DCLRE1C: variants seen among roughly 807,000 people sequenced by gnomAD.
DCLRE1C encodes DNA cross-link repair 1C.
In DCLRE1C, 47 loss-of-function variants were observed where a neutral mutation model predicts 61.4. That is an observed-to-expected ratio of 0.77 (90% confidence interval 0.61 to 0.98). The LOEUF is 0.98. Ranked by LOEUF, DCLRE1C falls within the 50% of genes least tolerant of loss-of-function variation. DCLRE1C has a pLI of 0.00. For missense variants in DCLRE1C, 858 were observed against 816.0 expected, an observed-to-expected ratio of 1.05 and a Z score of -0.63; for synonymous variants, 337 against 287.6, an observed-to-expected ratio of 1.17 and a Z score of -1.74.
downstream of DCLRE1C, among the ~76,000 whole-genome samples, chr10:14,899,894 G>T (rs140753754): frequency 0.011 from 1,612 of 152,218 alleles, 32 homozygotes; most frequent in African/African-American, 0.037. Flanking sequence ...TATTAATAGG[G>T]TGTATTTTAC....
chr10:14,904,497 A>C (rs1030351966), downstream of DCLRE1C, among the ~76,000 whole-genome samples: 6 of 152,116 alleles, frequency 3.9e-5, no homozygotes, highest in African/African-American at 1.4e-4. Context: ...TAAAGATGTG[A>C]TTTTTAAAAA....
At chr10:14,925,355 A>G (rs1020856909) in intron 11 of DCLRE1C, among the ~76,000 whole-genome samples, 9 of 152,138 alleles carry the variant, frequency 5.9e-5, no homozygotes, top group African/African-American at 2.2e-4. Context: ...TCTCATTTAT[A>G]TAAGTTGACT....
At chr10:14,941,502 G>C (rs1031784359) in intron 3 of DCLRE1C, among the ~76,000 whole-genome samples, 34 of 152,246 alleles carry the variant, frequency 2.2e-4, no homozygotes, top group East Asian at 1.5e-3. Context: ...GCCCAGGCCG[G>C]TTTCGAACTC....
At chr10:14,943,699 C>T (rs542892364) in intron 3 of DCLRE1C, among the ~76,000 whole-genome samples, 15 of 152,254 alleles carry the variant, frequency 9.9e-5, no homozygotes, top group Non-Finnish European at 2.2e-4. Flanking sequence ...ACTACAGGCA[C>T]CGCCACCACA....
intron 9 of DCLRE1C, among the ~76,000 whole-genome samples, chr10:14,931,864 C>T (rs1212723526): frequency 1.3e-5 from 2 of 152,012 alleles, no homozygotes; most frequent in Non-Finnish European, 2.9e-5. Flanking sequence ...CATGGCGAAA[C>T]CCCATCTCTA....
chr10:14,933,492 C>G (rs576646788), intron 8 of DCLRE1C, among the ~76,000 whole-genome samples: 1 of 152,156 alleles, frequency 6.6e-6, no homozygotes, highest in Admixed American at 6.6e-5. Flanking sequence ...CAAAAATTAG[C>G]CAGGTATGGT....
At position 14,934,489 on chromosome 10, in the gene DCLRE1C, A is replaced by C. The variant is rs777527693; in HGVS notation, c.569T>G (p.Val190Gly). The change falls in exon 8 of 14, where the codon GTC becomes GGC. Residue 190 changes from valine to glycine, a missense_variant. This residue lies in a region of DCLRE1C where 843 missense variants were observed against 783.5 expected (regional missense o/e 1.08). Coordinates refer to ENST00000378278, the MANE Select transcript of DCLRE1C (RefSeq NM_001033855.3). ...CGGGCTCCGAGTGATCCAGCTTCGG[A>C]CCAGCTCTAAGACTCCACTTAAACA... ...EECLSGVLEL[V>G]RSWITRSPYH... 1 of 1,614,200 alleles carries C rather than the reference A, an allele frequency of 6.2e-7. No homozygotes were observed. The highest frequency in any genetic ancestry group is 8.5e-7 in the Non-Finnish European group (1 of 1,180,044).
chr10:14,899,735 A>T (rs1175189312), downstream of DCLRE1C: 2 of 1,587,666 alleles, frequency 1.3e-6, no homozygotes, highest in Admixed American at 3.6e-5. Flanking sequence ...TCAACCTAGT[A>T]CTAGTTTCCA....
exon 14 of DCLRE1C, chr10:14,899,053 C>G: frequency 1.7e-6 from 1 of 582,764 alleles, no homozygotes. Context: ...ATAAATCAAC[C>G]AGTTACAGTT....
intron 1 of DCLRE1C, among the ~76,000 whole-genome samples, chr10:14,950,357 C>CAAAAAAAAAAAAAAAAAAA (rs1196056427): frequency 2.8e-5 from 2 of 71,274 alleles, no homozygotes; most frequent in Non-Finnish European, 6.2e-5. Context: ...AAATAATAAC[C>CAAAAAAAAAAAAAAAAAAA]AAAAAAAAAA....
intron 3 of DCLRE1C, among the ~76,000 whole-genome samples, chr10:14,940,263 C>T (rs1469005269): frequency 2.0e-5 from 3 of 150,986 alleles, no homozygotes; most frequent in Non-Finnish European, 4.4e-5. Flanking sequence ...GGGTCTGTGA[C>T]ATGGATGCTT....
At chr10:14,922,898 A>C in intron 12 of DCLRE1C, 83 bp downstream of exon 12, 1 of 976,252 alleles carries the variant, frequency 1.0e-6, no homozygotes, top group Non-Finnish European at 1.7e-6. Context: ...CTAGACTTGT[A>C]AACATTCAGG....
At chr10:14,954,147 G>T (rs956681444), upstream of DCLRE1C, 1 of 1,468,012 alleles carries the variant, frequency 6.8e-7, no homozygotes, top group Non-Finnish European at 9.3e-7. Context: ...CCAATCAGAG[G>T]AGTCCGGAGA....
chr10:14,939,839 T>C lies in DCLRE1C; in HGVS notation c.277A>G (p.Ile93Val). Residue 93 changes from isoleucine to valine, a missense_variant, in exon 4 of 14, where the codon ATA becomes GTA. By Grantham distance (29) the Ile-to-Val change is conservative (BLOSUM62 3). Transcript: ENST00000378278. ...CCTGATGCTTCATCCACTAAAGATA[T>C]CTGGGTAGGAGTCTCGATTTCAATA... The part of the protein sequence containing the change: ...ISIEIETPTQ[I>V]SLVDEASGEK... 1.3e-6 allele frequency: 2 copies of C among 1,598,732 alleles called. No individual in the cohort carries two copies. Among genetic ancestry groups the C allele is most frequent in the South Asian group, 1.1e-5 (1 of 90,034 alleles).
rs919072477 is a variant in DCLRE1C, at chr10:14,907,042, G to T, written c.*1366C>A. Among the ~76,000 whole-genome samples, 1 of 151,694 alleles carries T rather than the reference G, an allele frequency of 6.6e-6. No individual in the cohort carries two copies. Among genetic ancestry groups the T allele is most frequent in the South Asian group, 2.1e-4 (1 of 4,800 alleles). ...CACCACCATGTCTGGCTAACATTTTGTGGAGACAGGGTCTCCCTGTGTGTT... is the reference window on the plus strand; with the variant it reads ...CACCACCATGTCTGGCTAACATTTTTTGGAGACAGGGTCTCCCTGTGTGTT... On this transcript the variant is annotated 3_prime_UTR_variant, in exon 14 of 14. Transcript: ENST00000378278.
At chr10:14,902,527 T>C (rs761860542), downstream of DCLRE1C, 2 of 1,471,756 alleles carry the variant, frequency 1.4e-6, no homozygotes, top group South Asian at 2.6e-5. Context: ...TTTCAGGAAA[T>C]AGAGCTGATG....
At chr10:14,947,464 T>A (rs921994035) in intron 2 of DCLRE1C, 2 of 152,160 alleles carry the variant, frequency 1.3e-5, no homozygotes, top group Admixed American at 1.3e-4. Flanking sequence ...TCACTCCATT[T>A]TGAAGTAATT....
rs541237514 is a variant in DCLRE1C at position 14,904,694 on chromosome 10, A to G, written c.*3714T>C. On this transcript the variant is annotated 3_prime_UTR_variant, in exon 14 of 14. Transcript: ENST00000378278. Reference sequence around the variant, plus strand: ...TACTTATGTTACCTTTGTTATTCAGATGCTGAACTTAAGCAGTGAAATAAT... The same window carrying G: ...TACTTATGTTACCTTTGTTATTCAGGTGCTGAACTTAAGCAGTGAAATAAT... Among the ~76,000 whole-genome samples, 1 of 152,324 alleles carries G rather than the reference A, an allele frequency of 6.6e-6. No individual in the cohort carries two copies. Among genetic ancestry groups the G allele is most frequent in the African/African-American group, 2.4e-5 (1 of 41,570 alleles).
At chr10:14,920,281 C>G (rs1836882225) in intron 12 of DCLRE1C, 4 of 670,496 alleles carry the variant, frequency 6.0e-6, no homozygotes, top group Non-Finnish European at 5.8e-6. Flanking sequence ...GGAATCTCCA[C>G]AAATTTATCT....
Sources: allele counts gnomAD v4.1 joint callset (sites outside exome capture counted in the v4.1 genomes callset), GRCh38; gene constraint gnomAD v4.1.1; regional missense constraint gnomAD v4.1.1; transcripts MANE v1.5; gene names NCBI Gene and HGNC (gene_info 2026-07-23, HGNC 2026-07-21).